The following SAMD3 variants were observed in gnomAD, a reference collection of about 807,000 sequenced individuals.
SAMD3 encodes sterile alpha motif domain containing 3, also known as sterile alpha motif domain-containing protein 3.
SAMD3 carries 63 observed loss-of-function variants against 58.5 expected under a neutral mutation model. That is an observed-to-expected ratio of 1.08 (90% confidence interval 0.88 to 1.33). The LOEUF is 1.33. Among genes scored for constraint, SAMD3 ranks in the 40% most tolerant of loss-of-function variants. The probability of loss-of-function intolerance (pLI) is 0.00; values close to 1 mark genes in which losing one functional copy is unlikely to be tolerated. For missense variants in SAMD3, 604 were observed against 608.4 expected, an observed-to-expected ratio of 0.99 and a Z score of 0.08; for synonymous variants, 220 against 210.3, an observed-to-expected ratio of 1.05 and a Z score of -0.40.
intron 4 of SAMD3, among the ~76,000 whole-genome samples, chr6:130,213,916 T>C (rs1222291778): frequency 6.6e-6 from 1 of 152,140 alleles, no homozygotes; most frequent in East Asian, 1.9e-4. Flanking sequence ...AATTCATTAC[T>C]CTAAGAAATC....
chr6:130,217,025 T>C (rs1338415630), intron 1 of SAMD3, among the ~76,000 whole-genome samples: 1 of 152,050 alleles, frequency 6.6e-6, no homozygotes, highest in African/African-American at 2.4e-5. Flanking sequence ...ATAAAATGAG[T>C]ACTTGGAAAT....
At chr6:130,156,181 A>C (rs1232780115) in intron 8 of SAMD3, among the ~76,000 whole-genome samples, 1 of 152,102 alleles carries the variant, frequency 6.6e-6, no homozygotes, top group African/African-American at 2.4e-5. Context: ...TCTACTAAAA[A>C]TACAAAAATT....
At chr6:130,345,593 CA>C (rs986479783) in intron 1 of SAMD3, among the ~76,000 whole-genome samples, 4 of 151,970 alleles carry the variant, frequency 2.6e-5, no homozygotes, top group African/African-American at 9.7e-5. Context: ...TCTCCTGAAA[CA>C]CCCCCGAGAG....
rs769188682 is a variant in SAMD3, at chr6:130,184,564, A to T, written c.443T>A (p.Val148Asp). ...SKALQWTKSY[V>D]LPEFPYDVKC... is the part of the protein sequence containing the mutation. Reference sequence around the variant, plus strand: ...GACATCATAGGGAAACTCTGGTAAAACATAGGACTTCGTCCACTGTAATGC... The same window carrying T: ...GACATCATAGGGAAACTCTGGTAAATCATAGGACTTCGTCCACTGTAATGC... The change falls in exon 6 of 12, where the codon GTT becomes GAT. Residue 148 changes from valine to aspartate, a missense_variant. Val to Asp is a radical substitution (Grantham distance 152). Transcript: ENST00000439090. The T allele has an allele frequency of 1.9e-6, 3 of 1,614,052 alleles. No individual in the cohort carries two copies. Among genetic ancestry groups the T allele is most frequent in the Non-Finnish European group, 2.5e-6 (3 of 1,180,008 alleles).
chr6:130,226,910 C>T (rs1032337149), upstream of SAMD3, among the ~76,000 whole-genome samples: 1 of 152,066 alleles, frequency 6.6e-6, no homozygotes, highest in Non-Finnish European at 1.5e-5. Flanking sequence ...TAAGGATGTA[C>T]AATAAATACA....
chr6:130,146,739 C>T (rs185594253), intron 9 of SAMD3, among the ~76,000 whole-genome samples: 1 of 152,168 alleles, frequency 6.6e-6, no homozygotes, highest in African/African-American at 2.4e-5. Flanking sequence ...TTTTGGGAGG[C>T]CAGGGCAGGA....
At chr6:130,248,176 TTGCG>T (rs1467763386) in intron 2 of SAMD3, among the ~76,000 whole-genome samples, 1 of 119,704 alleles carries the variant, frequency 8.4e-6, no homozygotes, top group Non-Finnish European at 1.6e-5. Flanking sequence ...TTTAAGTGTT[TTGCG>T]TGTGTGTGTG....
intron 5 of SAMD3, among the ~76,000 whole-genome samples, chr6:130,185,415 G>A (rs1228935433): frequency 1.3e-5 from 2 of 151,874 alleles, no homozygotes; most frequent in South Asian, 2.1e-4. Context: ...TGCAACCTCC[G>A]CCTCCTGGGT....
intron 1 of SAMD3, among the ~76,000 whole-genome samples, chr6:130,351,165 G>T (rs577024570): frequency 9.9e-5 from 15 of 152,222 alleles, no homozygotes; most frequent in African/African-American, 3.6e-4. Flanking sequence ...CATAGGCATG[G>T]ACAAAGACTT....
At chr6:130,187,221 T>C (rs1793080078) in intron 5 of SAMD3, among the ~76,000 whole-genome samples, 2 of 152,218 alleles carry the variant, frequency 1.3e-5, no homozygotes, top group South Asian at 2.1e-4. Context: ...TGTTACTTAG[T>C]ACCACCTCAA....
At chr6:130,154,250 T>C (rs12197099) in intron 9 of SAMD3, among the ~76,000 whole-genome samples, 7 of 115,814 alleles carry the variant, frequency 6.0e-5, no homozygotes, top group Non-Finnish European at 9.3e-5. Context: ...TTTTTTTTTT[T>C]AATTTTTCCT....
intron 2 of SAMD3, among the ~76,000 whole-genome samples, chr6:130,247,335 T>C (rs927407015): frequency 2.8e-4 from 42 of 152,036 alleles, no homozygotes; most frequent in Admixed American, 2.4e-3. Context: ...CGAAGTATGG[T>C]GCACACCTGT....
intron 8 of SAMD3, among the ~76,000 whole-genome samples, chr6:130,173,153 G>T (rs1350144470): frequency 6.6e-6 from 1 of 152,102 alleles, no homozygotes; most frequent in East Asian, 1.9e-4. Context: ...TGCTCCTTTA[G>T]CTCAGAGGAG....
intron 8 of SAMD3, among the ~76,000 whole-genome samples, chr6:130,174,376 G>T (rs1346984388): frequency 6.6e-6 from 1 of 152,208 alleles, no homozygotes; most frequent in African/African-American, 2.4e-5. Context: ...ACCCAGCCAG[G>T]TAGCACAGTC....
intron 2 of SAMD3, among the ~76,000 whole-genome samples, chr6:130,246,519 T>C: frequency 6.6e-6 from 1 of 152,210 alleles, no homozygotes; most frequent in Non-Finnish European, 1.5e-5. Context: ...TATTTTTTTT[T>C]TTTTGAGAAT....
intron 2 of SAMD3, among the ~76,000 whole-genome samples, chr6:130,303,367 A>G (rs574595562): frequency 2.6e-5 from 4 of 152,246 alleles, no homozygotes; most frequent in African/African-American, 7.2e-5. Context: ...GGTCTGAACT[A>G]AAGCAGCTAG....
At chr6:130,194,310 G>A (rs1472908508) in intron 5 of SAMD3, among the ~76,000 whole-genome samples, 2 of 152,160 alleles carry the variant, frequency 1.3e-5, no homozygotes, top group Non-Finnish European at 2.9e-5. Flanking sequence ...TAGCAACCCT[G>A]AGACACTTTA....
intron 8 of SAMD3, among the ~76,000 whole-genome samples, chr6:130,171,148 A>T (rs1199097752): frequency 6.6e-6 from 1 of 152,222 alleles, no homozygotes; most frequent in African/African-American, 2.4e-5. Context: ...TTTAGCATCA[A>T]GCGATGTTGA....
intron 1 of SAMD3, among the ~76,000 whole-genome samples, chr6:130,331,306 A>ACTC (rs1156697849): frequency 1.3e-5 from 2 of 152,232 alleles, no homozygotes; most frequent in Non-Finnish European, 2.9e-5. Context: ...TATAAAGGAG[A>ACTC]AGACAACATT....
Sources: gnomAD v4.1 joint callset for allele counts (sites outside exome capture counted in the v4.1 genomes callset) on GRCh38, gnomAD v4.1.1 for gene constraint, MANE v1.5 for transcripts, NCBI Gene and HGNC (gene_info 2026-07-23, HGNC 2026-07-21) for gene names.